The following MFN2 variants were observed in gnomAD, a reference collection of about 807,000 sequenced individuals.
MFN2 encodes the protein mitofusin 2, also known as mitofusin-2.
MFN2 carries 43 observed loss-of-function variants against 87.5 expected under a neutral mutation model. The ratio of observed to expected loss-of-function variants is 0.49; its 90% CI spans 0.38 to 0.63. The LOEUF is 0.63. Among genes scored for constraint, MFN2 ranks in the 30% least tolerant of loss-of-function variants. The pLI is 0.00. For missense variants in MFN2, 743 were observed against 972.8 expected (o/e 0.76, Z 3.14); for synonymous variants, 337 against 359.9 (o/e 0.94, Z 0.72).
At chr1:12,005,602 C>A in intron 14 of MFN2, 109 bp from the exon 15 acceptor site, 2 of 1,161,184 alleles carry the variant, frequency 1.7e-6, no homozygotes, top group Non-Finnish European at 2.6e-6. Context: ...CCAGGCAAAG[C>A]TGTTCAGCAT....
chr1:11,998,091 C>G (rs548929456), intron 6 of MFN2, among the ~76,000 whole-genome samples: 1 of 149,250 alleles, frequency 6.7e-6, no homozygotes, highest in Non-Finnish European at 1.5e-5. Flanking sequence ...ACCATGTTGG[C>G]CAGGCTGGTC....
At chr1:11,993,677 A>G (rs1638790023) in intron 4 of MFN2, among the ~76,000 whole-genome samples, 1 of 151,174 alleles carries the variant, frequency 6.6e-6, no homozygotes, top group Non-Finnish European at 1.5e-5. Flanking sequence ...CGGAGCCTGC[A>G]GTGAGCCGAG....
Position 11,998,757 on chromosome 1 carries a change from C to T in MFN2, c.600-13C>T, listed in dbSNP as rs1467237918. 1 of 1,612,822 alleles carries T rather than the reference C, an allele frequency of 6.2e-7. No homozygotes were observed. Among genetic ancestry groups the T allele is most frequent in the Non-Finnish European group, 8.5e-7 (1 of 1,178,902 alleles). On this transcript the variant is annotated splice_polypyrimidine_tract_variant and intron_variant, in intron 6 of 18. Transcript: ENST00000235329. ...CTCTGCCTGATGATTTGGTTTACCC[C>T]TGTCACCTTTAGCCCTGGTATTGAT...
chr1:12,001,984 G>A lies in MFN2; in HGVS notation c.1041G>A (p.Glu347=). 2 of 1,614,198 alleles carry A rather than the reference G, an allele frequency of 1.2e-6. No homozygotes were observed. The highest frequency in any genetic ancestry group is 1.7e-6 in the Non-Finnish European group (2 of 1,180,038). The part of the protein sequence containing the change: ...EFQNFERRFE[E]CISQSAVKTK... ...CTCCGTGCCTCTGTGTGTTCCAGGA[G>A]TGCATCTCCCAGTCTGCAGTGAAGA... Residue 347 remains glutamate, a splice_region_variant and synonymous_variant, in exon 11 of 19, where the codon GAG becomes GAA. Coordinates refer to ENST00000235329, the MANE Select transcript of MFN2 (RefSeq NM_014874.4).
At chr1:11,989,998 A>G (rs963181082) in intron 3 of MFN2, among the ~76,000 whole-genome samples, 2 of 152,028 alleles carry the variant, frequency 1.3e-5, no homozygotes, top group African/African-American at 4.8e-5. Context: ...AGGTCCTGAG[A>G]TTGTCTGTGG....
Position 11,997,419 on chromosome 1 carries a change from C to G in MFN2, c.597C>G (p.Asp199Glu), listed in dbSNP as rs1205882839. 6.2e-7 allele frequency: 1 copy of G among 1,614,104 alleles called. No individual in the cohort carries two copies. Among genetic ancestry groups the G allele is most frequent in the Non-Finnish European group, 8.5e-7 (1 of 1,179,976 alleles). Residue 199 changes from aspartate to glutamate, a missense_variant and splice_region_variant, in exon 6 of 19, where the codon GAC (aspartate) becomes GAG (glutamate). Coordinates refer to ENST00000235329, the MANE Select transcript of MFN2 (RefSeq NM_014874.4). ...TGAAGGATGACCTCGTTTTGATGGA[C>G]AGGTAAGAGGGAGGTGCCCTCCTAG... ...PLLKDDLVLMDSPGIDVTTEL... is the reference protein window; with the variant it reads ...PLLKDDLVLMESPGIDVTTEL...
At chr1:11,980,518 T>TGGCCCGGCCC in intron 1 of MFN2, 34 bp downstream of exon 1, 1 of 398,136 alleles carries the variant, frequency 2.5e-6, no homozygotes, top group South Asian at 1.3e-4. Context: ...TGGCGGGGAC[T>TGGCCCGGCCC]GGCCCGGCCC....
Position 12,001,994 on chromosome 1 carries a change from C to T in MFN2, c.1051C>T (p.Gln351Ter). 6.2e-7 allele frequency: 1 copy of T among 1,614,196 alleles called. No homozygotes were observed. The highest frequency in any genetic ancestry group is 1.3e-5 in the African/African-American group (1 of 75,050). ...FERRFEECIS[Q>*]SAVKTKFEQH... ...CTGTGTGTTCCAGGAGTGCATCTCC[C>T]AGTCTGCAGTGAAGACCAAGTTTGA... The change falls in exon 11 of 19, where the codon CAG (glutamine) becomes TAG (stop). Residue 351 changes from glutamine (Q) to a stop codon, truncating the protein, a stop_gained. Coordinates refer to ENST00000235329, the MANE Select transcript of MFN2 (RefSeq NM_014874.4). LOFTEE classifies it high-confidence loss of function.
intron 16 of MFN2, 143 bp downstream of exon 16, chr1:12,006,836 C>T (rs950836701): frequency 1.7e-5 from 23 of 1,335,544 alleles, no homozygotes; most frequent in South Asian, 9.8e-5. Flanking sequence ...GCATGGGGAG[C>T]GCTTACTCCC....
chr1:12,001,387 T>G lies in MFN2; in HGVS notation c.817-14T>G, dbSNP rs1255550586. On this transcript the variant is annotated splice_polypyrimidine_tract_variant and intron_variant, in intron 8 of 18. Coordinates refer to ENST00000235329, the MANE Select transcript of MFN2 (RefSeq NM_014874.4). ...CACCTACACTCACTCTGGACACATT[T>G]GTTTGGGCTCCAGGTGCGGCGGCAG... The G allele has an allele frequency of 6.2e-7, 1 of 1,612,900 alleles. No individual in the cohort carries two copies. Among genetic ancestry groups the G allele is most frequent in the Non-Finnish European group, 8.5e-7 (1 of 1,179,788 alleles).
intron 2 of MFN2, among the ~76,000 whole-genome samples, chr1:11,984,373 G>A (rs1638301212): frequency 6.6e-6 from 1 of 152,126 alleles, no homozygotes. Flanking sequence ...CATGGAGAGA[G>A]TCTTGTGATC....
Position 11,981,990 on chromosome 1 carries a change from ACAGT to A in MFN2, c.-126_-123del, listed in dbSNP as rs1172609637. The stretch of plus-strand genomic sequence containing the variant: ...ATAAGTCAGGACTGGTGGAGTCAAC[ACAGT>A]CAATCAATAGCCAACCTCAACCTGA... On this transcript the variant is annotated 5_prime_UTR_variant, in exon 2 of 19. Coordinates refer to ENST00000235329, the MANE Select transcript of MFN2 (RefSeq NM_014874.4). The A allele has an allele frequency of 6.7e-6, 1 of 148,540 alleles. No individual in the cohort carries two copies. Among genetic ancestry groups the A allele is most frequent in the Admixed American group, 6.7e-5 (1 of 14,828 alleles). The allele number at this position is 148,540 out of a possible 1,614,324, so 9.2% of individuals were successfully genotyped here.
In MFN2 at chr1:12,013,238, G is replaced by T; in HGVS notation, c.*1673G>T. ...GCGTAAACATGAATTTTTTTTCAAT[G>T]TAGCCCCTGGGGAATGAATGAAATT... On this transcript the variant is annotated 3_prime_UTR_variant, in exon 19 of 19. Transcript: ENST00000235329. The T allele has an allele frequency of 5.7e-6, 2 of 350,640 alleles. No homozygotes were observed. The highest frequency in any genetic ancestry group is 2.1e-5 in the South Asian group (1 of 48,264). 21.7% of individuals were successfully genotyped at this position (350,640 alleles called of 1,614,324 possible).
rs560577796 is a variant in MFN2, at chr1:12,011,959, G to A, written c.*394G>A. On this transcript the variant is annotated 3_prime_UTR_variant, in exon 19 of 19. Transcript: ENST00000235329. ...ACCCCCACCTTCCTCCAGCCTGTGC[G>A]CACCTGCCCTCCTTGCAGCCCAGCA... is the stretch of plus-strand genomic sequence containing the variant. The A allele has an allele frequency of 3.9e-4, 106 of 269,956 alleles. No individual in the cohort carries two copies. Among genetic ancestry groups the A allele is most frequent in the African/African-American group, 2.1e-3 (99 of 46,130 alleles). 16.7% of individuals were successfully genotyped at this position (269,956 alleles called of 1,614,324 possible).
intron 18 of MFN2, 109 bp downstream of exon 18, chr1:12,009,835 T>G: frequency 6.6e-7 from 1 of 1,520,568 alleles, no homozygotes; most frequent in Non-Finnish European, 9.0e-7. Flanking sequence ...ATTTTTCTGG[T>G]GGGGATTTAG....
At chr1:11,992,767 C>T (rs1363578364) in intron 4 of MFN2, 77 bp downstream of exon 4, 10 of 1,571,904 alleles carry the variant, frequency 6.4e-6, no homozygotes, top group Middle Eastern at 1.7e-4. Flanking sequence ...GGTCACAGAA[C>T]GTTCCAGGCA....
At chr1:12,000,113 CAAAT>C (rs776519023) in intron 8 of MFN2, among the ~76,000 whole-genome samples, 35 of 151,360 alleles carry the variant, frequency 2.3e-4, no homozygotes, top group Admixed American at 9.2e-4. Context: ...AATAATTAAA[CAAAT>C]AAAGGGTAAT....
Position 12,004,353 on chromosome 1 carries a change from G to A in MFN2, c.1288-156G>A, listed in dbSNP as rs369524738. Among the ~76,000 whole-genome samples the A allele has an allele frequency of 5.3e-5, 8 of 152,284 alleles. No individual in the cohort carries two copies. Among genetic ancestry groups the A allele is most frequent in the African/African-American group, 1.9e-4 (8 of 41,556 alleles). On this transcript the variant is annotated intron_variant, in intron 12 of 18. Coordinates refer to ENST00000235329, the MANE Select transcript of MFN2 (RefSeq NM_014874.4). This position sits in a 1 kb window ranked among gnomAD's most constrained non-coding sequence, Gnocchi z 4.2. ...GGGCGTTTGATCAGCCAGTTTCCCA[G>A]ACCCTCTCACTTCAGAGGCTTTAAT...
rs748456191 is a variant in MFN2 at position 12,011,566 on chromosome 1, T to C, written c.*1T>C. On this transcript the variant is annotated 3_prime_UTR_variant, in exon 19 of 19. Transcript: ENST00000235329. ...CCAGTACCTGCAGCCCAGCAGATAG[T>C]GGGCACCTGAGGCGGAGTCTGCGTG... 9.3e-6 allele frequency: 15 copies of C among 1,613,594 alleles called. No homozygotes were observed. The highest frequency in any genetic ancestry group is 2.7e-5 in the African/African-American group (2 of 74,818).
Sources: gnomAD v4.1 joint callset for allele counts (sites outside exome capture counted in the v4.1 genomes callset) on GRCh38, gnomAD v4.1.1 for gene constraint, Gnocchi (gnomAD v3.1) non-coding constraint, MANE v1.5 for transcripts, NCBI Gene and HGNC (gene_info 2026-07-23, HGNC 2026-07-21) for gene names.